Variants in SEMA6D observed in about 807,000 individuals in gnomAD.
SEMA6D encodes semaphorin-6D.
SEMA6D carries 35 observed loss-of-function variants against 106.6 expected under a neutral mutation model. The observed-to-expected ratio is 0.33, with a 90% CI of 0.25 to 0.44. SEMA6D has a LOEUF of 0.44. Ranked by LOEUF, SEMA6D falls within the 20% of genes least tolerant of loss-of-function variation. The pLI is 1.00. For missense variants in SEMA6D, 1,185 were observed against 1,345.9 expected (o/e 0.88, Z 1.87); for synonymous variants, 499 against 487.7 (o/e 1.02, Z -0.31).
chr15:47,711,032 G>A (rs1392964290), intron 4 of SEMA6D, among the ~76,000 whole-genome samples: 1 of 151,962 alleles, frequency 6.6e-6, no homozygotes, highest in Non-Finnish European at 1.5e-5. Flanking sequence ...AGGCGTGGCC[G>A]GGCGCGGTGG....
intron 1 of SEMA6D, among the ~76,000 whole-genome samples, chr15:47,200,476 A>G (rs1026481661): frequency 4.6e-5 from 7 of 152,324 alleles, no homozygotes; most frequent in Admixed American, 1.3e-4. Flanking sequence ...TCAAAAGCAT[A>G]AAATAAGCCT....
intron 1 of SEMA6D, among the ~76,000 whole-genome samples, chr15:47,348,193 A>G (rs150179870): frequency 0.011 from 1,687 of 152,300 alleles, 13 homozygotes; most frequent in Non-Finnish European, 0.014. Flanking sequence ...TTTAACAAAT[A>G]CTGATTGTGC....
chr15:47,515,367 T>A (rs1298089216), intron 3 of SEMA6D, among the ~76,000 whole-genome samples: 1 of 152,186 alleles, frequency 6.6e-6, no homozygotes, highest in Non-Finnish European at 1.5e-5. Flanking sequence ...ATTATGCCTG[T>A]TTTTATCATC....
chr15:47,763,946 C>A lies in SEMA6D; in HGVS notation c.844C>A (p.Leu282Met). 1 of 1,613,998 alleles carries A rather than the reference C, an allele frequency of 6.2e-7. No individual in the cohort carries two copies. Among genetic ancestry groups the A allele is most frequent in the Non-Finnish European group, 8.5e-7 (1 of 1,179,890 alleles). ...KHWTSFLKAR[L>M]NCSVPGDSFF... ...CTGGACTTCATTTCTAAAGGCTCGG[C>A]TGAACTGTTCTGTCCCTGGAGATTC... The change falls in exon 10 of 19, where the codon CTG (leucine) becomes ATG (methionine). Residue 282 changes from leucine (L) to methionine (M), a missense_variant. Coordinates refer to ENST00000536845, the MANE Select transcript of SEMA6D (RefSeq NM_001358351.3).
intron 1 of SEMA6D, among the ~76,000 whole-genome samples, chr15:47,757,608 TG>T (rs1176616613): frequency 6.6e-5 from 10 of 152,194 alleles, no homozygotes; most frequent in African/African-American, 2.4e-4. Flanking sequence ...GTAGGATTGT[TG>T]GTGATTGCTT....
intron 1 of SEMA6D, among the ~76,000 whole-genome samples, chr15:47,295,687 A>G (rs746292248): frequency 3.3e-5 from 5 of 152,238 alleles, no homozygotes; most frequent in Non-Finnish European, 5.9e-5. Context: ...GAAAACTTCA[A>G]TGTTAGAATT....
chr15:47,710,791 A>C (rs919556513), intron 4 of SEMA6D, among the ~76,000 whole-genome samples: 3 of 152,170 alleles, frequency 2.0e-5, no homozygotes, highest in Admixed American at 6.5e-5. Context: ...TAGCTGTGTA[A>C]GTGAATCTCA....
chr15:47,228,006 T>C (rs1319287094), intron 1 of SEMA6D, among the ~76,000 whole-genome samples: 1 of 103,618 alleles, frequency 9.7e-6, no homozygotes, highest in African/African-American at 2.9e-5. Context: ...ATATTTTATA[T>C]ATATAAGAAT....
At chr15:47,464,884 G>A (rs998785515) in intron 2 of SEMA6D, among the ~76,000 whole-genome samples, 1 of 152,136 alleles carries the variant, frequency 6.6e-6, no homozygotes, top group African/African-American at 2.4e-5. Flanking sequence ...TGGACCAAGT[G>A]GGGGTTTGCC....
intron 1 of SEMA6D, among the ~76,000 whole-genome samples, chr15:47,253,289 T>G (rs1212502757): frequency 6.6e-6 from 1 of 152,182 alleles, no homozygotes; most frequent in East Asian, 1.9e-4. Context: ...TGCAAATATT[T>G]TCTCCCATTT....
At chr15:47,612,750 T>G (rs1354091754) in intron 4 of SEMA6D, among the ~76,000 whole-genome samples, 1 of 146,712 alleles carries the variant, frequency 6.8e-6, no homozygotes, top group African/African-American at 2.5e-5. Flanking sequence ...CTCAAAGGCC[T>G]TGTTTATTTT....
At chr15:47,586,265 C>T (rs999208625) in intron 3 of SEMA6D, among the ~76,000 whole-genome samples, 2 of 152,160 alleles carry the variant, frequency 1.3e-5, no homozygotes, top group African/African-American at 2.4e-5. Context: ...TAGCAGGCAA[C>T]GGAATTCAGG....
At position 47,313,206 on chromosome 15, in the gene SEMA6D, G is replaced by C. The variant is rs183771820; in HGVS notation, c.-238-99187G>C. ...CTGTGGGTTTGGAGAAATGTATATG[G>C]GCATTTATTTATAGTGTCATACAGG... On this transcript the variant is annotated intron_variant, in intron 1 of 19. Coordinates refer to the SEMA6D transcript ENST00000558014. Among the ~76,000 whole-genome samples, 6 of 152,156 alleles carry C rather than the reference G, an allele frequency of 3.9e-5. No individual in the cohort carries two copies. In the South Asian group the frequency reaches 1.2e-3, roughly 32 times the overall value.
intron 1 of SEMA6D, among the ~76,000 whole-genome samples, chr15:47,255,565 T>G (rs2033762192): frequency 6.6e-6 from 1 of 152,118 alleles, no homozygotes; most frequent in Non-Finnish European, 1.5e-5. Context: ...ATAGGAGATT[T>G]CTTTATATAT....
chr15:47,433,233 A>T (rs1223348611), intron 2 of SEMA6D, among the ~76,000 whole-genome samples: 3 of 152,120 alleles, frequency 2.0e-5, no homozygotes, highest in African/African-American at 7.2e-5. Flanking sequence ...AGACAACGCA[A>T]ACATAAACTT....
chr15:47,405,038 G>C (rs1264631180), intron 1 of SEMA6D, among the ~76,000 whole-genome samples: 2 of 152,070 alleles, frequency 1.3e-5, no homozygotes, highest in Non-Finnish European at 2.9e-5. Context: ...ATGTCCCTAG[G>C]GGGAGAAGTG....
In SEMA6D at chr15:47,674,046, A is replaced by G. The variant is rs189169288; in HGVS notation, c.-55+73150A>G. Reference sequence around the variant, plus strand: ...TGTTGTCCCCGGACACTCTCTTTCTATCTCTCTTCACACTGCAGCCCATGG... The same window carrying G: ...TGTTGTCCCCGGACACTCTCTTTCTGTCTCTCTTCACACTGCAGCCCATGG... On this transcript the variant is annotated intron_variant, in intron 4 of 19. Coordinates refer to the SEMA6D transcript ENST00000558014. Among the ~76,000 whole-genome samples, 268 of 151,790 alleles carry G rather than the reference A, an allele frequency of 1.8e-3. 3 individuals carry two copies. Among genetic ancestry groups the G allele is most frequent in the South Asian group, 0.012 (57 of 4,790 alleles).
In SEMA6D at chr15:47,387,707, G is replaced by T. The variant is rs1389608317; in HGVS notation, c.-238-24686G>T. ...TAAAGTTGGGATCTCATTATTCCAGGAATATGAGAAACTATTGTGTGGTTA... is the reference window on the plus strand; with the variant it reads ...TAAAGTTGGGATCTCATTATTCCAGTAATATGAGAAACTATTGTGTGGTTA... On this transcript the variant is annotated intron_variant, in intron 1 of 19. Transcript: ENST00000558014. Among the ~76,000 whole-genome samples the T allele has an allele frequency of 6.6e-5, 10 of 152,236 alleles. No individual in the cohort carries two copies. In the East Asian group the frequency reaches 1.9e-3, roughly 29 times the overall value.
intron 4 of SEMA6D, among the ~76,000 whole-genome samples, chr15:47,613,376 C>T (rs1277940370): frequency 6.6e-6 from 1 of 152,124 alleles, no homozygotes; most frequent in African/African-American, 2.4e-5. Flanking sequence ...CATCAATTTC[C>T]TTCCAGGTTT....
Sources: gnomAD v4.1 joint callset for allele counts (sites outside exome capture counted in the v4.1 genomes callset) on GRCh38, gnomAD v4.1.1 for gene constraint, MANE v1.5 for transcripts, NCBI Gene and HGNC (gene_info 2026-07-23, HGNC 2026-07-21) for gene names.